TRDN: variants seen among roughly 807,000 people sequenced by gnomAD.
The protein encoded by TRDN is triadin in skeletal muscle.
TRDN carries 161 observed loss-of-function variants against 149.7 expected under a neutral mutation model. That is an observed-to-expected ratio of 1.08 (90% CI 0.95 to 1.23). TRDN has a LOEUF of 1.23. TRDN is among the 50% of genes most tolerant of loss of function. The probability of loss-of-function intolerance (pLI) is 0.00; values close to 1 mark genes in which losing one functional copy is unlikely to be tolerated. For synonymous variants in TRDN, 294 were observed against 250.5 expected (o/e 1.17, Z -1.64); for missense variants, 896 against 823.5 (o/e 1.09, Z -1.08).
intron 38 of TRDN, among the ~76,000 whole-genome samples, chr6:123,240,003 C>T (rs541493531): frequency 2.6e-5 from 4 of 151,834 alleles, no homozygotes; most frequent in South Asian, 4.1e-4. Context: ...AGAAGCATAA[C>T]ATTAAGTAAA....
chr6:123,233,749 G>T (rs1362676773), intron 38 of TRDN, among the ~76,000 whole-genome samples: 1 of 151,940 alleles, frequency 6.6e-6, no homozygotes, highest in East Asian at 1.9e-4. Flanking sequence ...AATCACCCTT[G>T]CTTTAAAAAG....
chr6:123,550,033 T>C (rs1189638102), intron 2 of TRDN, among the ~76,000 whole-genome samples: 1 of 151,970 alleles, frequency 6.6e-6, no homozygotes, highest in Admixed American at 6.6e-5. Context: ...AAAATTTGGG[T>C]TGCCTATTAG....
chr6:123,284,191 A>C (rs1015236530), intron 24 of TRDN, among the ~76,000 whole-genome samples: 2 of 149,914 alleles, frequency 1.3e-5, no homozygotes, highest in African/African-American at 4.9e-5. Flanking sequence ...CCTAATACAA[A>C]CAAGAAAGGG....
intron 2 of TRDN, among the ~76,000 whole-genome samples, chr6:123,560,111 T>C (rs1241041069): frequency 2.0e-5 from 3 of 152,324 alleles, no homozygotes; most frequent in East Asian, 1.9e-4. Flanking sequence ...CTAGCCCTTA[T>C]GTCTGCGTGC....
intron 10 of TRDN, among the ~76,000 whole-genome samples, chr6:123,460,008 G>A (rs1217780346): frequency 1.3e-5 from 2 of 152,104 alleles, no homozygotes; most frequent in African/African-American, 4.8e-5. Context: ...TTTCCCATGG[G>A]CAGTATTCTC....
chr6:123,507,601 T>G (rs1166058275), intron 7 of TRDN, among the ~76,000 whole-genome samples: 1 of 152,142 alleles, frequency 6.6e-6, no homozygotes, highest in Non-Finnish European at 1.5e-5. Flanking sequence ...TTCAATTTTG[T>G]GCCAAAATAT....
intron 1 of TRDN, among the ~76,000 whole-genome samples, chr6:123,587,169 G>A (rs1783537406): frequency 1.3e-5 from 2 of 152,118 alleles, no homozygotes; most frequent in South Asian, 4.1e-4. Flanking sequence ...TTGCCACTAA[G>A]GATGAAGGAC....
chr6:123,446,576 T>A (rs1251229916), intron 10 of TRDN, among the ~76,000 whole-genome samples: 3 of 111,314 alleles, frequency 2.7e-5, no homozygotes, highest in Admixed American at 1.1e-4. Flanking sequence ...CAGAGCCAGA[T>A]TCCATCTCAA....
chr6:123,222,807 C>T (rs901735158), intron 39 of TRDN, among the ~76,000 whole-genome samples: 5 of 151,536 alleles, frequency 3.3e-5, no homozygotes, highest in Non-Finnish European at 7.4e-5. Flanking sequence ...AAGAAAAAAG[C>T]AAACAACCTC....
At chr6:123,626,851 A>T (rs1251141509) in intron 1 of TRDN, among the ~76,000 whole-genome samples, 1 of 151,980 alleles carries the variant, frequency 6.6e-6, no homozygotes, top group African/African-American at 2.4e-5. Flanking sequence ...GCTTGGATCC[A>T]TAAGAGGTAT....
At chr6:123,252,352 C>A in intron 38 of TRDN, 60 bp downstream of exon 38, 2 of 1,019,896 alleles carry the variant, frequency 2.0e-6, no homozygotes, top group Non-Finnish European at 2.9e-6. Context: ...TTATGAATTT[C>A]ATCTTAAAAT....
At chr6:123,280,688 C>T (rs1314904456) in intron 24 of TRDN, among the ~76,000 whole-genome samples, 1 of 148,080 alleles carries the variant, frequency 6.8e-6, no homozygotes, top group East Asian at 2.0e-4. Context: ...TGCTTAAGGC[C>T]TAGTTTAGCT....
chr6:123,360,899 T>A (rs1400774498), intron 20 of TRDN, among the ~76,000 whole-genome samples: 1 of 152,034 alleles, frequency 6.6e-6, no homozygotes, highest in Non-Finnish European at 1.5e-5. Context: ...GAGAAACTGG[T>A]CCTGAAGAGA....
At chr6:123,274,945 T>C (rs1777322093) in intron 26 of TRDN, among the ~76,000 whole-genome samples, 2 of 152,096 alleles carry the variant, frequency 1.3e-5, no homozygotes, top group Non-Finnish European at 2.9e-5. Context: ...TGCTTTGCAC[T>C]TGTCTGTGAA....
chr6:123,424,610 T>G (rs1428215307), intron 12 of TRDN, among the ~76,000 whole-genome samples: 1 of 152,172 alleles, frequency 6.6e-6, no homozygotes, highest in East Asian at 1.9e-4. Flanking sequence ...TTTTGAAATC[T>G]AAATGCTGAA....
intron 1 of TRDN, among the ~76,000 whole-genome samples, chr6:123,625,821 G>A (rs77975143): frequency 0.031 from 4,736 of 152,180 alleles, 208 homozygotes; most frequent in African/African-American, 0.1. Context: ...TAATCTTTTT[G>A]CTAATTGAAG....
At chr6:123,488,906 C>T (rs1360128832) in intron 9 of TRDN, 2 of 152,064 alleles carry the variant, frequency 1.3e-5, no homozygotes, top group African/African-American at 2.4e-5. Flanking sequence ...CTTTGTGTCT[C>T]AATTCTTTCA....
At chr6:123,368,491 G>C (rs537057083) in intron 19 of TRDN, among the ~76,000 whole-genome samples, 1 of 152,300 alleles carries the variant, frequency 6.6e-6, no homozygotes, top group African/African-American at 2.4e-5. Flanking sequence ...AGAGCTTTGA[G>C]ATTCTAAGTT....
At chr6:123,291,683 AT>A (rs1233991380) in intron 24 of TRDN, among the ~76,000 whole-genome samples, 1 of 152,262 alleles carries the variant, frequency 6.6e-6, no homozygotes, top group African/African-American at 2.4e-5. Context: ...TTTGTGTAAA[AT>A]TAAAAACTTG....
Sources: gnomAD v4.1 joint callset for allele counts (sites outside exome capture counted in the v4.1 genomes callset) on GRCh38, gnomAD v4.1.1 for gene constraint, MANE v1.5 for transcripts, NCBI Gene and HGNC (gene_info 2026-07-23, HGNC 2026-07-21) for gene names.